GABRB2: variants seen among roughly 807,000 people sequenced by gnomAD.
GABRB2 encodes the protein gamma-aminobutyric acid type A receptor subunit beta2.
A neutral mutation model predicts 54.7 loss-of-function variants in GABRB2; 16 were observed. That is an observed-to-expected ratio of 0.29 (90% CI 0.20 to 0.44). GABRB2 has a LOEUF of 0.44. Ranked by LOEUF, GABRB2 falls within the 20% of genes least tolerant of loss-of-function variation. The probability of loss-of-function intolerance (pLI) is 1.00; values close to 1 mark genes in which losing one functional copy is unlikely to be tolerated. For missense variants in GABRB2, 355 were observed against 644.0 expected (o/e 0.55, Z 4.86); for synonymous variants, 244 against 233.8 (o/e 1.04, Z -0.40).
chr5:161,546,770 C>G (rs1581075861), upstream of GABRB2: 1 of 1,449,690 alleles, frequency 6.9e-7, no homozygotes, highest in Non-Finnish European at 9.1e-7. Flanking sequence ...GGGGAAGCGG[C>G]GGCTGCCGGG....
At chr5:161,383,106 G>T (rs1363899818) in intron 5 of GABRB2, among the ~76,000 whole-genome samples, 1 of 152,138 alleles carries the variant, frequency 6.6e-6, no homozygotes, top group Admixed American at 6.5e-5. Flanking sequence ...TATTCAAGCT[G>T]TACAACATAA....
intron 3 of GABRB2, among the ~76,000 whole-genome samples, chr5:161,536,843 C>T (rs1002275415): frequency 1.3e-5 from 2 of 152,034 alleles, no homozygotes; most frequent in African/African-American, 4.8e-5. Flanking sequence ...GGTGATTCAC[C>T]CACCTCGGCC....
At chr5:161,305,206 C>T (rs965193454) in intron 9 of GABRB2, among the ~76,000 whole-genome samples, 6 of 150,992 alleles carry the variant, frequency 4.0e-5, no homozygotes, top group East Asian at 2.0e-4. Flanking sequence ...TTAGTAGAGA[C>T]GGGGTTTCAC....
At chr5:161,537,363 C>T (rs938283806) in intron 3 of GABRB2, among the ~76,000 whole-genome samples, 5 of 152,122 alleles carry the variant, frequency 3.3e-5, no homozygotes, top group African/African-American at 1.2e-4. Flanking sequence ...ATTTTCCAAT[C>T]GCCTGCTGGT....
intron 4 of GABRB2, among the ~76,000 whole-genome samples, chr5:161,435,671 G>T (rs1296967792): frequency 6.6e-6 from 1 of 152,200 alleles, no homozygotes; most frequent in African/African-American, 2.4e-5. Context: ...AGTTAGTACA[G>T]GATGGTGGGC....
At chr5:161,455,238 A>AGCG (rs1364056769) in intron 4 of GABRB2, among the ~76,000 whole-genome samples, 3 of 144,554 alleles carry the variant, frequency 2.1e-5, no homozygotes, top group Admixed American at 7.0e-5. Context: ...ATTTGACAAG[A>AGCG]GTGGTAGCAA....
chr5:161,296,907 G>A (rs72811500), intron 9 of GABRB2, among the ~76,000 whole-genome samples: 8,751 of 152,062 alleles, frequency 0.058, 301 homozygotes, highest in Middle Eastern at 0.068. Flanking sequence ...AATAGGATTC[G>A]GGAAGACTAA....
chr5:161,506,103 G>A (rs765257831), intron 3 of GABRB2, among the ~76,000 whole-genome samples: 3 of 151,944 alleles, frequency 2.0e-5, no homozygotes, highest in Admixed American at 6.6e-5. Context: ...AATAAAGGAC[G>A]TTAGAAAGCT....
intron 5 of GABRB2, among the ~76,000 whole-genome samples, chr5:161,366,802 G>A (rs1410936617): frequency 1.3e-5 from 2 of 152,126 alleles, no homozygotes; most frequent in East Asian, 3.9e-4. Flanking sequence ...CAAAAATTAA[G>A]TAGGCGTGGT....
chr5:161,337,656 T>C (rs1350540568), intron 5 of GABRB2, among the ~76,000 whole-genome samples: 1 of 152,126 alleles, frequency 6.6e-6, no homozygotes, highest in Non-Finnish European at 1.5e-5. Context: ...TGAGCACACA[T>C]ATAATCCTAG....
chr5:161,367,248 A>C (rs935832897), intron 5 of GABRB2, among the ~76,000 whole-genome samples: 1 of 152,232 alleles, frequency 6.6e-6, no homozygotes, highest in Non-Finnish European at 1.5e-5. Flanking sequence ...TCAAATTGTC[A>C]TGAAGGAAAT....
At chr5:161,471,888 C>T (rs541358517) in intron 3 of GABRB2, among the ~76,000 whole-genome samples, 98 of 151,958 alleles carry the variant, frequency 6.4e-4, no homozygotes, top group African/African-American at 2.2e-3. Context: ...AGTCTGTACC[C>T]AATGTTAATA....
chr5:161,467,289 C>T (rs1758306875), intron 3 of GABRB2, among the ~76,000 whole-genome samples: 1 of 152,052 alleles, frequency 6.6e-6, no homozygotes, highest in South Asian at 2.1e-4. Flanking sequence ...TATTTAACTT[C>T]ATCTTAATTA....
At chr5:161,502,853 T>A (rs1022904999) in intron 3 of GABRB2, among the ~76,000 whole-genome samples, 1 of 152,090 alleles carries the variant, frequency 6.6e-6, no homozygotes. Flanking sequence ...ACTACAGAAA[T>A]CTCCATAAGG....
intron 5 of GABRB2, among the ~76,000 whole-genome samples, chr5:161,398,682 G>T (rs1357680724): frequency 6.2e-5 from 9 of 145,096 alleles, no homozygotes; most frequent in East Asian, 4.2e-4. Flanking sequence ...TTTTTTTGTT[G>T]TTGTTGTTTT....
intron 7 of GABRB2, among the ~76,000 whole-genome samples, chr5:161,332,137 G>A (rs10060148): frequency 0.078 from 10,321 of 132,894 alleles, 437 homozygotes; most frequent in Middle Eastern, 0.099. Context: ...CTGCACTCCC[G>A]CCTGGGCCAC....
At chr5:161,511,840 A>G (rs778469008) in intron 3 of GABRB2, among the ~76,000 whole-genome samples, 1 of 152,014 alleles carries the variant, frequency 6.6e-6, no homozygotes, top group Non-Finnish European at 1.5e-5. Context: ...CACTGGTCAT[A>G]CTGAATTAGG....
Position 161,308,275 on chromosome 5 carries a change from T to G in GABRB2, c.1192-13847A>C, listed in dbSNP as rs1402470403. ...CCCCCTGTTTAGGTGTAGGCCTGAT[T>G]GTTTTAAGTCAGTCTTGGTACCTCC... is the stretch of plus-strand genomic sequence containing the variant. On this transcript the variant is annotated intron_variant, in intron 9 of 9. Coordinates refer to ENST00000393959, the MANE Select transcript of GABRB2 (RefSeq NM_001371727.1). 5.9e-5 allele frequency among the ~76,000 whole-genome samples: 9 copies of G among 152,324 alleles called. No homozygotes were observed. In the East Asian group the frequency reaches 1.7e-3, roughly 29 times the overall value.
intron 7 of GABRB2, among the ~76,000 whole-genome samples, chr5:161,333,488 A>G (rs1221366702): frequency 6.6e-6 from 1 of 152,180 alleles, no homozygotes; most frequent in Non-Finnish European, 1.5e-5. Context: ...TGAGCCACAT[A>G]ATTTAATTTT....
Sources: gnomAD v4.1 joint callset for allele counts (sites outside exome capture counted in the v4.1 genomes callset) on GRCh38, gnomAD v4.1.1 for gene constraint, MANE v1.5 for transcripts, NCBI Gene and HGNC (gene_info 2026-07-23, HGNC 2026-07-21) for gene names.